The following FAM135B variants were observed in gnomAD, a reference collection of about 807,000 sequenced individuals.
The protein encoded by FAM135B is protein FAM135B.
FAM135B carries 43 observed loss-of-function variants against 127.7 expected under a neutral mutation model. The ratio of observed to expected loss-of-function variants is 0.34; its 90% confidence interval spans 0.26 to 0.43. The LOEUF (loss-of-function observed/expected upper bound fraction) is 0.43, where lower values mean the gene tolerates loss of function less well. Ranked by LOEUF, FAM135B falls within the 20% of genes least tolerant of loss-of-function variation. FAM135B has a pLI of 1.00. For missense variants in FAM135B, 1,558 were observed against 1,725.6 expected (o/e 0.90, Z 1.72); for synonymous variants, 670 against 665.1 (o/e 1.01, Z -0.11).
intron 2 of FAM135B, among the ~76,000 whole-genome samples, chr8:138,358,955 G>T (rs1427665313): frequency 6.6e-6 from 1 of 152,052 alleles, no homozygotes; most frequent in Non-Finnish European, 1.5e-5. Flanking sequence ...TGCTGAGCCT[G>T]TCCTCAGCCA....
At chr8:138,299,502 G>A (rs1047453876) in intron 3 of FAM135B, among the ~76,000 whole-genome samples, 1 of 152,122 alleles carries the variant, frequency 6.6e-6, no homozygotes, top group African/African-American at 2.4e-5. Context: ...GCTGCCAACG[G>A]CAGGCTACCT....
rs531891513 is a variant in FAM135B, at chr8:138,168,582, T to C, written c.1104-533A>G. Among the ~76,000 whole-genome samples, 9 of 152,312 alleles carry C rather than the reference T, an allele frequency of 5.9e-5. No individual in the cohort carries two copies. The South Asian group carries it at 1.0e-3, about 18-fold the overall frequency. On this transcript the variant is annotated intron_variant, in intron 11 of 19. Transcript: ENST00000395297. Reference sequence around the variant, plus strand: ...TTCCCTAGATCAAGGGCCATATTTTTTGGTTTCCCCTGTAAGATGAAGAAA... The same window carrying C: ...TTCCCTAGATCAAGGGCCATATTTTCTGGTTTCCCCTGTAAGATGAAGAAA...
intron 3 of FAM135B, among the ~76,000 whole-genome samples, chr8:138,282,751 A>G (rs1824359688): frequency 6.6e-6 from 1 of 152,198 alleles, no homozygotes; most frequent in African/African-American, 2.4e-5. Flanking sequence ...AAGGGCACAG[A>G]CACTTTGGGA....
chr8:138,147,128 G>C (rs1563683047), intron 14 of FAM135B, among the ~76,000 whole-genome samples: 1 of 151,990 alleles, frequency 6.6e-6, no homozygotes, highest in Non-Finnish European at 1.5e-5. Flanking sequence ...GTCATAAAAT[G>C]GTCATTTTTT....
intron 3 of FAM135B, among the ~76,000 whole-genome samples, chr8:138,283,514 G>T (rs1454370119): frequency 6.6e-6 from 1 of 151,986 alleles, no homozygotes; most frequent in East Asian, 1.9e-4. Flanking sequence ...AAACTATTCT[G>T]CATGATCCTC....
chr8:138,164,567 G>A (rs1444673571), intron 12 of FAM135B, among the ~76,000 whole-genome samples: 4 of 152,200 alleles, frequency 2.6e-5, no homozygotes, highest in Non-Finnish European at 5.9e-5. Flanking sequence ...TGCTCACTGA[G>A]ATAAATGCAT....
At chr8:138,147,905 G>A (rs1404064472) in intron 14 of FAM135B, among the ~76,000 whole-genome samples, 1 of 152,172 alleles carries the variant, frequency 6.6e-6, no homozygotes, top group African/African-American at 2.4e-5. Context: ...ACATCGAGCT[G>A]ATGAGTGAGA....
chr8:138,429,022 T>C (rs1563995372), intron 1 of FAM135B, among the ~76,000 whole-genome samples: 1 of 152,100 alleles, frequency 6.6e-6, no homozygotes, highest in Admixed American at 6.6e-5. Context: ...TCTTTTGTAG[T>C]GGGGGAGAAG....
chr8:138,409,719 C>T (rs1322879074), intron 1 of FAM135B, among the ~76,000 whole-genome samples: 4 of 151,660 alleles, frequency 2.6e-5, no homozygotes, highest in South Asian at 4.2e-4. Flanking sequence ...ACTAAAAATA[C>T]AAAAAATTAG....
At chr8:138,255,317 G>A (rs970950065) in intron 5 of FAM135B, among the ~76,000 whole-genome samples, 3 of 152,196 alleles carry the variant, frequency 2.0e-5, no homozygotes, top group African/African-American at 7.2e-5. Context: ...GAAACCAGAA[G>A]TGAGAATTGA....
At chr8:138,197,953 TA>T in intron 7 of FAM135B, among the ~76,000 whole-genome samples, 1 of 152,236 alleles carries the variant, frequency 6.6e-6, no homozygotes, top group Non-Finnish European at 1.5e-5. Context: ...GCAACAATAA[TA>T]ACGAATGATC....
intron 2 of FAM135B, among the ~76,000 whole-genome samples, chr8:138,328,494 G>C (rs949540331): frequency 3.9e-5 from 6 of 152,208 alleles, no homozygotes; most frequent in Non-Finnish European, 5.9e-5. Context: ...TGGAGGAACA[G>C]CTTGGGGAAA....
chr8:138,398,811 C>T (rs1333464132), intron 1 of FAM135B, among the ~76,000 whole-genome samples: 1 of 152,206 alleles, frequency 6.6e-6, no homozygotes, highest in Admixed American at 6.5e-5. Flanking sequence ...TAGTGAGATA[C>T]TCGGTCTTCA....
chr8:138,138,895 T>A, intron 18 of FAM135B, 91 bp downstream of exon 18: 3 of 848,672 alleles, frequency 3.5e-6, no homozygotes, highest in Non-Finnish European at 5.9e-6. Context: ...CTTCTGTGAG[T>A]GAATCAATGT....
chr8:138,489,901 C>T (rs902196522), intron 1 of FAM135B, among the ~76,000 whole-genome samples: 2 of 152,234 alleles, frequency 1.3e-5, no homozygotes, highest in Admixed American at 6.5e-5. Context: ...GGAAGCCCCT[C>T]GTGGCATTCC....
Position 138,496,700 on chromosome 8 carries a change from T to TCC in FAM135B, c.-51_-50dup, listed in dbSNP as rs1468358659. On this transcript the variant is annotated 5_prime_UTR_variant, in exon 1 of 20. Coordinates refer to ENST00000395297, the MANE Select transcript of FAM135B (RefSeq NM_015912.4). ...CTCCACTGCAGGGCTCCCCTCTCTC[T>TCC]CCCCCGGGGGCCGCGCTCCTGGGTC... 6.6e-6 allele frequency: 1 copy of TCC among 152,268 alleles called. No homozygotes were observed. The highest frequency in any genetic ancestry group is 1.5e-5 in the Non-Finnish European group (1 of 68,316). The allele number at this position is 152,268 out of a possible 1,614,324, so 9.4% of individuals were successfully genotyped here.
chr8:138,399,408 C>T (rs1019568494), intron 1 of FAM135B, among the ~76,000 whole-genome samples: 6 of 152,132 alleles, frequency 3.9e-5, no homozygotes, highest in African/African-American at 1.4e-4. Context: ...CTAATCTCCC[C>T]CCAACCATTT....
intron 2 of FAM135B, among the ~76,000 whole-genome samples, chr8:138,332,760 C>T (rs10101722): frequency 0.38 from 58,383 of 151,832 alleles, 11,437 homozygotes; most frequent in East Asian, 0.54. Context: ...GACATGAGTC[C>T]TAACGCACCA....
chr8:138,221,865 G>A (rs373238844), intron 7 of FAM135B, among the ~76,000 whole-genome samples: 28 of 152,118 alleles, frequency 1.8e-4, no homozygotes, highest in African/African-American at 4.3e-4. Context: ...ACGCACATGC[G>A]CACACACCCA....
Sources: gnomAD v4.1 joint callset for allele counts (sites outside exome capture counted in the v4.1 genomes callset) on GRCh38, gnomAD v4.1.1 for gene constraint, MANE v1.5 for transcripts, NCBI Gene and HGNC (gene_info 2026-07-23, HGNC 2026-07-21) for gene names.